Variants in CRK observed in about 807,000 individuals in gnomAD.
CRK encodes the protein CRK proto-oncogene, adaptor protein.
A neutral mutation model predicts 29.8 loss-of-function variants in CRK; 4 were observed. That is an observed-to-expected ratio of 0.13 (90% CI 0.07 to 0.31). The LOEUF (loss-of-function observed/expected upper bound fraction) is 0.31, where lower values mean the gene tolerates loss of function less well. Ranked by LOEUF, CRK falls within the 10% of genes least tolerant of loss-of-function variation. The pLI is 1.00. For synonymous variants in CRK, 153 were observed against 164.9 expected, an observed-to-expected ratio of 0.93 and a Z score of 0.55; for missense variants, 274 against 396.5, an observed-to-expected ratio of 0.69 and a Z score of 2.62.
chr17:1,452,167 G>A (rs529473066), intron 1 of CRK, among the ~76,000 whole-genome samples: 1 of 152,156 alleles, frequency 6.6e-6, no homozygotes, highest in African/African-American at 2.4e-5. Flanking sequence ...ACTTCTGAAA[G>A]TCATTTATTA....
At chr17:1,453,786 A>G (rs1455254945) in intron 1 of CRK, among the ~76,000 whole-genome samples, 1 of 152,198 alleles carries the variant, frequency 6.6e-6, no homozygotes, top group Admixed American at 6.5e-5. Flanking sequence ...GTGTGCCTGT[A>G]ATCCCAGCTA....
At chr17:1,447,607 CTTTTTTTT>C (rs34998406) in intron 1 of CRK, among the ~76,000 whole-genome samples, 5 of 117,844 alleles carry the variant, frequency 4.2e-5, no homozygotes, top group Admixed American at 1.9e-4. Context: ...TTCTCTTTTC[CTTTTTTTT>C]TTTTTTTTTT....
intron 1 of CRK, among the ~76,000 whole-genome samples, chr17:1,437,486 G>C (rs1353130597): frequency 1.3e-5 from 2 of 152,142 alleles, no homozygotes; most frequent in Non-Finnish European, 2.9e-5. Flanking sequence ...CCCCTGGGAA[G>C]AAAGATGCCC....
At chr17:1,446,452 A>C (rs566214635) in intron 1 of CRK, among the ~76,000 whole-genome samples, 1 of 152,314 alleles carries the variant, frequency 6.6e-6, no homozygotes, top group African/African-American at 2.4e-5. Flanking sequence ...GGGAAAGAAC[A>C]AATGAGACTA....
At chr17:1,448,192 T>G (rs561823111) in intron 1 of CRK, among the ~76,000 whole-genome samples, 2 of 152,156 alleles carry the variant, frequency 1.3e-5, no homozygotes, top group African/African-American at 4.8e-5. Context: ...CTAAAGATGG[T>G]GGGTATGAGG....
At chr17:1,435,183 C>A (rs2073877564) in intron 2 of CRK, among the ~76,000 whole-genome samples, 1 of 152,080 alleles carries the variant, frequency 6.6e-6, no homozygotes. Context: ...CCTCAGCCTC[C>A]CAAGTAGCTG....
chr17:1,439,386 C>T (rs1372920298), intron 1 of CRK, among the ~76,000 whole-genome samples: 1 of 152,146 alleles, frequency 6.6e-6, no homozygotes, highest in East Asian at 1.9e-4. Flanking sequence ...CAGGTGTGGG[C>T]CACTGCACCC....
chr17:1,439,075 C>T (rs1294051300), intron 1 of CRK, among the ~76,000 whole-genome samples: 6 of 151,902 alleles, frequency 3.9e-5, no homozygotes, highest in African/African-American at 9.7e-5. Context: ...GTTAGGATTT[C>T]GGCTTCCCCA....
At chr17:1,453,535 A>G (rs2074034335) in intron 1 of CRK, among the ~76,000 whole-genome samples, 1 of 152,212 alleles carries the variant, frequency 6.6e-6, no homozygotes, top group African/African-American at 2.4e-5. Flanking sequence ...CCCATCTCAT[A>G]ATACTATTAA....
intron 1 of CRK, among the ~76,000 whole-genome samples, chr17:1,444,942 A>G (rs1228543805): frequency 6.6e-6 from 1 of 151,982 alleles, no homozygotes. Context: ...AGGTCAGGAG[A>G]TCCAGACCAC....
rs548563531 is a variant in CRK, at chr17:1,454,307, G to A, written c.241+1570C>T. Among the ~76,000 whole-genome samples, 655 of 152,108 alleles carry A rather than the reference G, an allele frequency of 4.3e-3. 7 individuals carry two copies. The highest frequency in any genetic ancestry group is 6.6e-3 in the Non-Finnish European group (452 of 67,976). ...TGTAATCCCAGCACTTTGGGAGGCC[G>A]AGGCTGGTGGATCACCTGAGGTCAG... On this transcript the variant is annotated intron_variant, in intron 1 of 2. Transcript: ENST00000300574.
intron 1 of CRK, among the ~76,000 whole-genome samples, chr17:1,443,351 C>T (rs950404343): frequency 6.6e-6 from 1 of 152,012 alleles, no homozygotes; most frequent in Non-Finnish European, 1.5e-5. Context: ...ACTATAGGCA[C>T]AAGCCACCCA....
chr17:1,432,957 A>G (rs935966207), intron 2 of CRK, among the ~76,000 whole-genome samples: 1 of 152,130 alleles, frequency 6.6e-6, no homozygotes, highest in Non-Finnish European at 1.5e-5. Flanking sequence ...CTTTTTTAGG[A>G]AGCAAGTCCC....
chr17:1,451,179 C>A (rs1339735895), intron 1 of CRK, among the ~76,000 whole-genome samples: 5 of 71,984 alleles, frequency 6.9e-5, no homozygotes, highest in African/African-American at 5.9e-5. Context: ...GGTGACAGAG[C>A]GAGAAACTGT....
chr17:1,432,476 TAAAA>T (rs59669841), intron 2 of CRK, among the ~76,000 whole-genome samples: 1 of 100,960 alleles, frequency 9.9e-6, no homozygotes, highest in African/African-American at 4.2e-5. Flanking sequence ...GACCTTGTCT[TAAAA>T]AAAAAAAAAA....
intron 2 of CRK, among the ~76,000 whole-genome samples, chr17:1,427,241 G>A (rs956885352): frequency 7.4e-5 from 11 of 148,312 alleles, no homozygotes; most frequent in African/African-American, 2.2e-4. Context: ...AGCAAGCCAA[G>A]TGCACCACTG....
rs192663799 is a variant in CRK, at chr17:1,430,874, T to C, written c.777+5746A>G. ...CGAGGTCAGCAGATCGAGACCATCC[T>C]GGCTAACACGGTGAAACCCCGTCTC... On this transcript the variant is annotated intron_variant, in intron 2 of 2. Transcript: ENST00000300574. Among the ~76,000 whole-genome samples, 683 of 151,410 alleles carry C rather than the reference T, an allele frequency of 4.5e-3. 2 individuals are homozygous for C. Among genetic ancestry groups the C allele is most frequent in the African/African-American group, 0.016 (642 of 41,364 alleles).
intron 1 of CRK, among the ~76,000 whole-genome samples, chr17:1,448,476 A>T (rs1340457354): frequency 6.6e-6 from 1 of 151,652 alleles, no homozygotes; most frequent in Non-Finnish European, 1.5e-5. Flanking sequence ...TGCAAAAATT[A>T]GCTGGGCATG....
At chr17:1,435,382 C>T (rs2073879109) in intron 2 of CRK, among the ~76,000 whole-genome samples, 1 of 151,566 alleles carries the variant, frequency 6.6e-6, no homozygotes, top group Non-Finnish European at 1.5e-5. Context: ...TACTTCAACC[C>T]AGTGCTAATA....
Sources: allele counts gnomAD v4.1 joint callset (sites outside exome capture counted in the v4.1 genomes callset), GRCh38; gene constraint gnomAD v4.1.1; transcripts MANE v1.5; gene names NCBI Gene and HGNC (gene_info 2026-07-23, HGNC 2026-07-21).